The following ATXN7L1 variants were observed in gnomAD, a reference collection of about 807,000 sequenced individuals.
The protein encoded by ATXN7L1 is ataxin 7 like 1, also known as ataxin-7-like protein 1.
Under a neutral mutation model 70.8 loss-of-function variants are expected in ATXN7L1, and 15 were observed. The observed-to-expected ratio is 0.21, with a 90% CI of 0.14 to 0.33. ATXN7L1 has a LOEUF of 0.33. ATXN7L1 is among the 10% of genes least tolerant of loss of function. The pLI is 1.00. For synonymous variants in ATXN7L1, 440 were observed against 445.1 expected, an observed-to-expected ratio of 0.99 and a Z score of 0.14; for missense variants, 975 against 1,097.1, an observed-to-expected ratio of 0.89 and a Z score of 1.57.
At chr7:105,620,094 A>T (rs1484051159) in intron 9 of ATXN7L1, 106 bp downstream of exon 9, 1 of 1,379,340 alleles carries the variant, frequency 7.2e-7, no homozygotes, top group Non-Finnish European at 1.0e-6. Context: ...CTTCAGAATC[A>T]TTTTGTTCTA....
intron 2 of ATXN7L1, among the ~76,000 whole-genome samples, chr7:105,844,633 A>G (rs1041496195): frequency 1.3e-5 from 2 of 152,248 alleles, no homozygotes; most frequent in African/African-American, 4.8e-5. Flanking sequence ...CTTAATAGTA[A>G]GAGATTTAAT....
intron 3 of ATXN7L1, among the ~76,000 whole-genome samples, chr7:105,711,103 G>A (rs1793856691): frequency 6.6e-6 from 1 of 152,138 alleles, no homozygotes; most frequent in African/African-American, 2.4e-5. Context: ...CTTGACATGT[G>A]GGGATTATTA....
intron 3 of ATXN7L1, among the ~76,000 whole-genome samples, chr7:105,731,129 G>A (rs1025330162): frequency 1.3e-5 from 2 of 152,134 alleles, no homozygotes; most frequent in Non-Finnish European, 2.9e-5. Flanking sequence ...TTTCATGCAC[G>A]AAATTATGAA....
chr7:105,841,457 A>G (rs1241777517), intron 2 of ATXN7L1, among the ~76,000 whole-genome samples: 1 of 152,224 alleles, frequency 6.6e-6, no homozygotes, highest in Non-Finnish European at 1.5e-5. Context: ...TAAACAATTC[A>G]TAGGTTTTAA....
At chr7:105,678,997 T>A (rs951368121) in intron 3 of ATXN7L1, 2 of 891,574 alleles carry the variant, frequency 2.2e-6, no homozygotes, top group East Asian at 1.2e-4. Context: ...TTCCGTGACC[T>A]GCGCCCAGCC....
chr7:105,712,272 G>A (rs561035721), intron 3 of ATXN7L1, among the ~76,000 whole-genome samples: 1 of 152,310 alleles, frequency 6.6e-6, no homozygotes, highest in Admixed American at 6.5e-5. Context: ...AAGGTCTCTG[G>A]AATGCCCTGG....
intron 3 of ATXN7L1, among the ~76,000 whole-genome samples, chr7:105,688,651 C>G (rs1237775165): frequency 6.6e-6 from 1 of 152,220 alleles, no homozygotes; most frequent in East Asian, 1.9e-4. Context: ...GAAGCCTTGT[C>G]TGGGAAGACT....
intron 3 of ATXN7L1, among the ~76,000 whole-genome samples, chr7:105,705,720 T>G (rs1040420559): frequency 6.6e-6 from 1 of 152,198 alleles, no homozygotes; most frequent in Non-Finnish European, 1.5e-5. Context: ...CCTGGTCCAC[T>G]CGTTTGTTCT....
chr7:105,760,956 T>A (rs1364918295), intron 3 of ATXN7L1: 1 of 180,684 alleles, frequency 5.5e-6, no homozygotes, highest in Non-Finnish European at 1.1e-5. Flanking sequence ...TTTGTAGCCA[T>A]GATAATGATT....
chr7:105,679,949 C>T (rs1031880262), intron 3 of ATXN7L1, among the ~76,000 whole-genome samples: 7 of 151,808 alleles, frequency 4.6e-5, no homozygotes, highest in South Asian at 2.1e-4. Context: ...TGGCAAAGTA[C>T]GCTTTGCGCA....
chr7:105,634,450 A>G (rs1797073707), intron 7 of ATXN7L1, among the ~76,000 whole-genome samples: 1 of 6,078 alleles, frequency 1.6e-4, no homozygotes, highest in African/African-American at 1.8e-4. Flanking sequence ...TGTGCCAGGC[A>G]TGAAAGTACA....
chr7:105,725,663 C>A (rs1795722129), intron 3 of ATXN7L1, among the ~76,000 whole-genome samples: 1 of 151,884 alleles, frequency 6.6e-6, no homozygotes, highest in Non-Finnish European at 1.5e-5. Context: ...TCACTGCAAC[C>A]TCCCCCTCCC....
chr7:105,832,955 T>TTC (rs1174951158), intron 2 of ATXN7L1, among the ~76,000 whole-genome samples: 1 of 152,174 alleles, frequency 6.6e-6, no homozygotes, highest in Non-Finnish European at 1.5e-5. Context: ...ACTTCCGTGC[T>TTC]TCTACCTTTA....
At chr7:105,701,924 G>A (rs763251173) in intron 3 of ATXN7L1, among the ~76,000 whole-genome samples, 1 of 152,146 alleles carries the variant, frequency 6.6e-6, no homozygotes, top group Non-Finnish European at 1.5e-5. Context: ...TTAACGTCAT[G>A]TTCTCTTCCC....
At chr7:105,637,459 A>G (rs76694567) in intron 7 of ATXN7L1, among the ~76,000 whole-genome samples, 336 of 152,244 alleles carry the variant, frequency 2.2e-3, no homozygotes, top group Non-Finnish European at 4.0e-3. Flanking sequence ...TTTTTATAAA[A>G]ATTATGGATA....
intron 3 of ATXN7L1, among the ~76,000 whole-genome samples, chr7:105,718,615 T>C (rs1056261640): frequency 4.6e-5 from 7 of 152,216 alleles, no homozygotes; most frequent in Non-Finnish European, 1.0e-4. Flanking sequence ...TTTGCATCTC[T>C]GCAGTTGACG....
intron 6 of ATXN7L1, 128 bp downstream of exon 6, chr7:105,639,359 C>T (rs1797848716): frequency 1.6e-6 from 1 of 617,350 alleles, no homozygotes. Context: ...GAAAGCATTT[C>T]CCTTACAAAG....
chr7:105,805,759 C>T (rs1041752188), intron 2 of ATXN7L1, among the ~76,000 whole-genome samples: 2 of 151,940 alleles, frequency 1.3e-5, no homozygotes, highest in African/African-American at 4.8e-5. Flanking sequence ...CAGCCCGGGT[C>T]GTGGGAACAG....
At chr7:105,664,853 G>A (rs972476299) in intron 4 of ATXN7L1, among the ~76,000 whole-genome samples, 8 of 151,838 alleles carry the variant, frequency 5.3e-5, no homozygotes, top group African/African-American at 1.2e-4. Flanking sequence ...AGGTGTGAGC[G>A]TGGCCCATAT....
Sources: allele counts gnomAD v4.1 joint callset (sites outside exome capture counted in the v4.1 genomes callset), GRCh38; gene constraint gnomAD v4.1.1; transcripts MANE v1.5; gene names NCBI Gene and HGNC (gene_info 2026-07-23, HGNC 2026-07-21).